The following RAP1B variants were observed in gnomAD, a reference collection of about 807,000 sequenced individuals.
RAP1B encodes RAP1B, member of RAS oncogene family, also known as ras-related protein Rap-1b.
Under a neutral mutation model 27.5 loss-of-function variants are expected in RAP1B, and 1 was observed. That is an observed-to-expected ratio of 0.04 (90% CI 0.01 to 0.17). The LOEUF (loss-of-function observed/expected upper bound fraction) is 0.17, where lower values mean the gene tolerates loss of function less well. Among genes scored for constraint, RAP1B ranks in the 10% least tolerant of loss-of-function variants. The probability of loss-of-function intolerance (pLI) is 1.00; values close to 1 mark genes in which losing one functional copy is unlikely to be tolerated. For missense variants in RAP1B, 84 were observed against 214.8 expected (o/e 0.39, Z 3.81); for synonymous variants, 75 against 73.1 (o/e 1.03, Z -0.13).
Position 68,610,902 on chromosome 12 carries a change from A to C in RAP1B, c.-168A>C. On this transcript the variant is annotated 5_prime_UTR_variant, in exon 1 of 8. Coordinates refer to ENST00000250559, the MANE Select transcript of RAP1B (RefSeq NM_001010942.3). ...GCTGAACGCCTGACGTCAAGGCGAC[A>C]TCGCCAAACCTCGCCCAGATTCAGG... is the stretch of plus-strand genomic sequence containing the variant. 3.4e-6 allele frequency: 1 copy of C among 294,808 alleles called. No homozygotes were observed. The allele number at this position is 294,808 out of a possible 1,614,324, so 18.3% of individuals were successfully genotyped here. A position where few individuals can be genotyped will look rare whatever the true frequency, so the allele number is the denominator to read the frequency against.
chr12:68,611,722 G>T (rs933142975), intron 1 of RAP1B, among the ~76,000 whole-genome samples: 1 of 152,170 alleles, frequency 6.6e-6, no homozygotes, highest in African/African-American at 2.4e-5. Context: ...CCACCGTGTA[G>T]AGAAAAACTG....
In RAP1B at chr12:68,667,961, CACT is replaced by C. The variant is rs1874921755; in HGVS notation, c.*8714_*8716del. On this transcript the variant is annotated 3_prime_UTR_variant, in exon 8 of 8. Transcript: ENST00000250559. ...TCAGAAATAAGAGGACATCATTGGC[CACT>C]ATCATACCACTAATTTTATTCCACC... 6.6e-6 allele frequency: 1 copy of C among 152,116 alleles called. No homozygotes were observed. The highest frequency in any genetic ancestry group is 1.5e-5 in the Non-Finnish European group (1 of 68,016). The allele number at this position is 152,116 out of a possible 1,614,324, so 9.4% of individuals were successfully genotyped here. A position where few individuals can be genotyped will look rare whatever the true frequency, so the allele number is the denominator to read the frequency against.
chr12:68,620,606 CT>C (rs71091541), intron 1 of RAP1B, among the ~76,000 whole-genome samples: 199 of 143,260 alleles, frequency 1.4e-3, no homozygotes, highest in Admixed American at 2.0e-3. Context: ...TTTTCCTTTT[CT>C]TTTTTTTTTT....
chr12:68,622,427 G>T (rs918421768), intron 1 of RAP1B, among the ~76,000 whole-genome samples: 1 of 152,146 alleles, frequency 6.6e-6, no homozygotes, highest in Non-Finnish European at 1.5e-5. Flanking sequence ...GGCCTAGAAG[G>T]TACTGCATAA....
intron 1 of RAP1B, chr12:68,627,467 T>A (rs151199986): frequency 0.011 from 3,345 of 299,022 alleles, 37 homozygotes; most frequent in South Asian, 0.021. Context: ...AATGGTTTGG[T>A]AGCCAACCAC....
In RAP1B at chr12:68,656,344, A is replaced by G. The variant is rs998623858; in HGVS notation, c.363A>G (p.Glu121=). ...MILVGNKCDL[E]DERVVGKEQG... Reference sequence around the variant, plus strand: ...TTGTTGGTAATAAGTGTGACTTGGAAGATGAAAGAGTTGTAGGGAAGGAAC... The same window carrying G: ...TTGTTGGTAATAAGTGTGACTTGGAGGATGAAAGAGTTGTAGGGAAGGAAC... Residue 121 remains glutamate, a synonymous_variant, in exon 6 of 8, where the codon GAA becomes GAG. Coordinates refer to ENST00000250559, the MANE Select transcript of RAP1B (RefSeq NM_001010942.3). 4 of 1,607,506 alleles carry G rather than the reference A, an allele frequency of 2.5e-6. No individual in the cohort carries two copies. The highest frequency in any genetic ancestry group is 3.3e-5 in the Admixed American group (2 of 59,974).
At chr12:68,615,387 G>A (rs1870910422) in intron 1 of RAP1B, among the ~76,000 whole-genome samples, 1 of 151,752 alleles carries the variant, frequency 6.6e-6, no homozygotes, top group Non-Finnish European at 1.5e-5. Context: ...GATTTTTATT[G>A]TACAGGAGGA....
At chr12:68,632,160 T>TTTTTTC (rs150063055) in intron 1 of RAP1B, among the ~76,000 whole-genome samples, 2 of 144,808 alleles carry the variant, frequency 1.4e-5, no homozygotes, top group African/African-American at 2.7e-5. Flanking sequence ...GTTTTTTTTT[T>TTTTTTC]CCAGACTGTT....
Position 68,660,100 on chromosome 12 carries a change from C to T in RAP1B, c.*851C>T, listed in dbSNP as rs1817530761. Reference sequence around the variant, plus strand: ...GTAGATTCTCACTGTGAATCCCTTGCTTGCTCATGCATAAGTGTATTTGCA... The same window carrying T: ...GTAGATTCTCACTGTGAATCCCTTGTTTGCTCATGCATAAGTGTATTTGCA... On this transcript the variant is annotated 3_prime_UTR_variant, in exon 8 of 8. Transcript: ENST00000250559. 8.3e-6 allele frequency: 1 copy of T among 120,590 alleles called. No homozygotes were observed. 7.5% of individuals were successfully genotyped at this position (120,590 alleles called of 1,614,324 possible).
At chr12:68,627,190 A>G in intron 1 of RAP1B, 2 of 1,543,940 alleles carry the variant, frequency 1.3e-6, no homozygotes, top group Non-Finnish European at 1.8e-6. Context: ...TGGAACCTAC[A>G]CTGGGGTAGT....
chr12:68,626,747 G>A, intron 1 of RAP1B: 1 of 887,522 alleles, frequency 1.1e-6, no homozygotes, highest in Non-Finnish European at 1.7e-6. Context: ...AAGGAAGAGG[G>A]AAGGTAGTAT....
In RAP1B at chr12:68,667,206, CAT is replaced by C. The variant is rs1204119488; in HGVS notation, c.*7960_*7961del. 2.6e-5 allele frequency: 4 copies of C among 152,194 alleles called. No homozygotes were observed. Among genetic ancestry groups the C allele is most frequent in the Admixed American group, 6.5e-5 (1 of 15,284 alleles). 9.4% of individuals were successfully genotyped at this position (152,194 alleles called of 1,614,324 possible). Reference sequence around the variant, plus strand: ...CTCACGCATCCCACCTTTAATCAGACATATGTGATTCATATGAGAGAAAATTA... The same window carrying C: ...CTCACGCATCCCACCTTTAATCAGACATGTGATTCATATGAGAGAAAATTA... On this transcript the variant is annotated 3_prime_UTR_variant, in exon 8 of 8. Transcript: ENST00000250559.
intron 7 of RAP1B, among the ~76,000 whole-genome samples, chr12:68,658,202 C>G (rs1342405820): frequency 6.6e-6 from 1 of 152,206 alleles, no homozygotes; most frequent in African/African-American, 2.4e-5. Flanking sequence ...TGCCATAGCA[C>G]TTTGATTCTG....
rs1021413363 is a variant in RAP1B at position 68,669,923 on chromosome 12, TTC to T, written c.*10676_*10677del. ...ACGTTTATACGTGACAAAAATATAT[TTC>T]TTTTTCTTTCTTTTTTTTTTTTTTT... On this transcript the variant is annotated 3_prime_UTR_variant, in exon 8 of 8. Transcript: ENST00000250559. The T allele has an allele frequency of 3.2e-4, 43 of 134,240 alleles. No homozygotes were observed. Among genetic ancestry groups the T allele is most frequent in the African/African-American group, 1.1e-3 (41 of 36,542 alleles). 8.3% of individuals were successfully genotyped at this position (134,240 alleles called of 1,614,324 possible).
chr12:68,639,208 A>G lies in RAP1B; in HGVS notation c.-26-9491A>G, dbSNP rs556310443. ...TTCACTCCCTACTTGACCACAGTCT[A>G]TGTTATTACCTAATAAGACCTTAAC... On this transcript the variant is annotated intron_variant, in intron 1 of 7. Coordinates refer to ENST00000250559, the MANE Select transcript of RAP1B (RefSeq NM_001010942.3). Among the ~76,000 whole-genome samples the G allele has an allele frequency of 6.6e-5, 10 of 152,290 alleles. No homozygotes were observed. In the South Asian group the frequency reaches 1.2e-3, roughly 19 times the overall value.
Position 68,664,038 on chromosome 12 carries a change from A to G in RAP1B, c.*4789A>G, listed in dbSNP as rs1874742701. 6.6e-6 allele frequency: 1 copy of G among 152,168 alleles called. No homozygotes were observed. Among genetic ancestry groups the G allele is most frequent in the Admixed American group, 6.5e-5 (1 of 15,276 alleles). The allele number at this position is 152,168 out of a possible 1,614,324, so 9.4% of individuals were successfully genotyped here. On this transcript the variant is annotated 3_prime_UTR_variant, in exon 8 of 8. Transcript: ENST00000250559. ...AAAGGGTACGAAGACAGTTTTTACT[A>G]TGTTGTTTTACTATGAACCTAGTTT... is the stretch of plus-strand genomic sequence containing the variant.
chr12:68,629,989 A>G (rs1249386948), intron 1 of RAP1B, among the ~76,000 whole-genome samples: 1 of 152,254 alleles, frequency 6.6e-6, no homozygotes, highest in East Asian at 1.9e-4. Context: ...TTTTGGAATC[A>G]TTAATACAAC....
In RAP1B at chr12:68,659,987, T is replaced by G. The variant is rs1288512731; in HGVS notation, c.*738T>G. The G allele has an allele frequency of 7.0e-6, 1 of 142,628 alleles. No homozygotes were observed. Among genetic ancestry groups the G allele is most frequent in the Non-Finnish European group, 1.5e-5 (1 of 66,090 alleles). The allele number at this position is 142,628 out of a possible 1,614,324, so 8.8% of individuals were successfully genotyped here. ...ACAATGTTTATAGTCGTGTGTACAGTGGGGGTCTACAACAAGAAGTGTATA... is the reference window on the plus strand; with the variant it reads ...ACAATGTTTATAGTCGTGTGTACAGGGGGGGTCTACAACAAGAAGTGTATA... On this transcript the variant is annotated 3_prime_UTR_variant, in exon 8 of 8. Transcript: ENST00000250559.
intron 5 of RAP1B, 121 bp from the exon 6 acceptor site, chr12:68,656,185 A>G: frequency 2.4e-6 from 2 of 836,662 alleles, no homozygotes; most frequent in Non-Finnish European, 3.7e-6. Context: ...ATTATACATT[A>G]TTTAATATTT....
Sources: allele counts gnomAD v4.1 joint callset (sites outside exome capture counted in the v4.1 genomes callset), GRCh38; gene constraint gnomAD v4.1.1; transcripts MANE v1.5; gene names NCBI Gene and HGNC (gene_info 2026-07-23, HGNC 2026-07-21).